PCDH15: variants seen among roughly 807,000 people sequenced by gnomAD.
The protein encoded by PCDH15 is protocadherin-15.
In PCDH15, 129 loss-of-function variants were observed where a neutral mutation model predicts 178.5. That is an observed-to-expected ratio of 0.72 (90% CI 0.63 to 0.84). The LOEUF is 0.84. PCDH15 is among the 40% of genes least tolerant of loss of function. The pLI is 0.00. For synonymous variants in PCDH15, 800 were observed against 732.0 expected (o/e 1.09, Z -1.50); for missense variants, 2,230 against 2,099.9 (o/e 1.06, Z -1.21).
At chr10:54,769,629 G>C (rs10825398) in intron 1 of PCDH15, among the ~76,000 whole-genome samples, 3 of 151,974 alleles carry the variant, frequency 2.0e-5, no homozygotes, top group Non-Finnish European at 4.4e-5. Context: ...TGAGAAAGCA[G>C]ACTGTGTACA....
At chr10:53,864,803 T>TAATA (rs575742144) in intron 27 of PCDH15, among the ~76,000 whole-genome samples, 1,978 of 151,778 alleles carry the variant, frequency 0.013, 17 homozygotes, top group African/African-American at 0.026. Context: ...AATAATAAAA[T>TAATA]AATAAATAAA....
Position 54,376,244 on chromosome 10 carries a change from C to T in PCDH15, c.318+2538G>A, listed in dbSNP as rs117351407. Among the ~76,000 whole-genome samples, 127 of 151,878 alleles carry T rather than the reference C, an allele frequency of 8.4e-4. 2 individuals carry two copies. In the East Asian group the frequency reaches 0.021, roughly 25 times the overall value. Reference sequence around the variant, plus strand: ...TATTCATAAAAGAACAACCAAAAAACTTTGGGCAACAATCAAAAGAATTAC... The same window carrying T: ...TATTCATAAAAGAACAACCAAAAAATTTTGGGCAACAATCAAAAGAATTAC... On this transcript the variant is annotated intron_variant, in intron 4 of 37. Coordinates refer to ENST00000644397, the MANE Select transcript of PCDH15 (RefSeq NM_001384140.1).
At chr10:54,467,124 T>C (rs1046047816) in intron 3 of PCDH15, among the ~76,000 whole-genome samples, 1 of 152,006 alleles carries the variant, frequency 6.6e-6, no homozygotes, top group Non-Finnish European at 1.5e-5. Context: ...ACTTTTTCTT[T>C]TCCAGTTCGA....
intron 1 of PCDH15, among the ~76,000 whole-genome samples, chr10:54,747,053 C>A (rs993203436): frequency 6.6e-6 from 1 of 152,140 alleles, no homozygotes. Context: ...AGTTGTAACA[C>A]CAGTTGTGGA....
At chr10:54,838,138 T>C (rs1953350189) in intron 3 of PCDH15, among the ~76,000 whole-genome samples, 1 of 152,052 alleles carries the variant, frequency 6.6e-6, no homozygotes. Context: ...TGTAACCCAG[T>C]TCCAGCCCCT....
intron 1 of PCDH15, among the ~76,000 whole-genome samples, chr10:54,731,572 A>ATATATATATATATG (rs1336901141): frequency 2.2e-5 from 1 of 45,248 alleles, no homozygotes; most frequent in East Asian, 3.0e-4. Flanking sequence ...ATACACACAC[A>ATATATATATATATG]CACACACACA....
chr10:54,086,175 G>A (rs969139567), intron 16 of PCDH15, among the ~76,000 whole-genome samples: 1 of 152,104 alleles, frequency 6.6e-6, no homozygotes, highest in Non-Finnish European at 1.5e-5. Context: ...TTCTGGTGAG[G>A]GGCTGAGAGT....
At chr10:53,927,012 G>A (rs74942450) in intron 25 of PCDH15, among the ~76,000 whole-genome samples, 1 of 152,196 alleles carries the variant, frequency 6.6e-6, no homozygotes, top group Non-Finnish European at 1.5e-5. Context: ...CAAAAATAAT[G>A]TTTCAGGGGC....
chr10:54,285,546 A>T (rs2058978367), intron 8 of PCDH15, among the ~76,000 whole-genome samples: 1 of 152,162 alleles, frequency 6.6e-6, no homozygotes, highest in Non-Finnish European at 1.5e-5. Context: ...CAATTCGAAT[A>T]TTATCAAATA....
At chr10:55,154,364 A>C (rs986946713) in intron 2 of PCDH15, among the ~76,000 whole-genome samples, 1 of 152,164 alleles carries the variant, frequency 6.6e-6, no homozygotes, top group Non-Finnish European at 1.5e-5. Flanking sequence ...CATGTATATG[A>C]ATGGAGAACC....
chr10:53,953,426 T>G (rs2087287131), intron 23 of PCDH15, among the ~76,000 whole-genome samples: 1 of 152,182 alleles, frequency 6.6e-6, no homozygotes. Flanking sequence ...AAGTGTATAG[T>G]AATTCTTATC....
At chr10:55,024,190 AAT>A (rs952710889) in intron 2 of PCDH15, among the ~76,000 whole-genome samples, 88 of 144,704 alleles carry the variant, frequency 6.1e-4, no homozygotes, top group South Asian at 2.6e-3. Context: ...GAGAGGAAGG[AAT>A]ATATATATAT....
chr10:54,139,298 T>C (rs2043173538), intron 14 of PCDH15, among the ~76,000 whole-genome samples: 1 of 151,412 alleles, frequency 6.6e-6, no homozygotes, highest in Non-Finnish European at 1.5e-5. Flanking sequence ...ATTCATCAGC[T>C]ATTAAAAAAA....
chr10:54,697,320 T>C (rs1314845155), intron 1 of PCDH15, among the ~76,000 whole-genome samples: 1 of 151,976 alleles, frequency 6.6e-6, no homozygotes, highest in Non-Finnish European at 1.5e-5. Flanking sequence ...GTGAAATTAT[T>C]TAGTTCACAT....
chr10:54,323,306 G>A (rs750568153), intron 7 of PCDH15, among the ~76,000 whole-genome samples: 1 of 152,204 alleles, frequency 6.6e-6, no homozygotes, highest in African/African-American at 2.4e-5. Context: ...GCAGTTTGAA[G>A]ATTTCTCAAA....
At chr10:55,352,734 G>A (rs1227019760) in intron 2 of PCDH15, among the ~76,000 whole-genome samples, 1 of 152,048 alleles carries the variant, frequency 6.6e-6, no homozygotes, top group Admixed American at 6.6e-5. Context: ...ACTATGATGT[G>A]TACCAAAAAG....
intron 1 of PCDH15, among the ~76,000 whole-genome samples, chr10:54,793,463 TATTTTTCTAA>T (rs1951631632): frequency 6.6e-6 from 1 of 151,712 alleles, no homozygotes; most frequent in South Asian, 2.1e-4. Context: ...TAGAAAAATT[TATTTTTCTAA>T]GTCAATTTAT....
chr10:53,934,003 C>T (rs1198121483), intron 25 of PCDH15, among the ~76,000 whole-genome samples: 1 of 152,044 alleles, frequency 6.6e-6, no homozygotes, highest in East Asian at 1.9e-4. Flanking sequence ...TGTCCTTCGC[C>T]CACTTTTTGA....
intron 2 of PCDH15, among the ~76,000 whole-genome samples, chr10:55,079,425 A>G (rs1841984574): frequency 6.6e-6 from 1 of 152,172 alleles, no homozygotes; most frequent in Non-Finnish European, 1.5e-5. Context: ...AGGCTCTGGT[A>G]AAGTGTAAAG....
Sources: gnomAD v4.1 joint callset for allele counts (sites outside exome capture counted in the v4.1 genomes callset) on GRCh38, gnomAD v4.1.1 for gene constraint, MANE v1.5 for transcripts, NCBI Gene and HGNC (gene_info 2026-07-23, HGNC 2026-07-21) for gene names.